AGBL1: variants seen among roughly 807,000 people sequenced by gnomAD.
The protein encoded by AGBL1 is cytosolic carboxypeptidase 4.
A neutral mutation model predicts 118.9 loss-of-function variants in AGBL1; 130 were observed. The observed-to-expected ratio is 1.09, with a 90% CI of 0.95 to 1.26. The LOEUF (loss-of-function observed/expected upper bound fraction) is 1.26. AGBL1 is among the 50% of genes most tolerant of loss of function. The pLI, the probability that AGBL1 is intolerant of heterozygous loss-of-function variation, is 0.00. For synonymous variants in AGBL1, 555 were observed against 478.9 expected, an observed-to-expected ratio of 1.16 and a Z score of -2.08; for missense variants, 1,584 against 1,298.1, an observed-to-expected ratio of 1.22 and a Z score of -3.38.
chr15:86,217,494 A>G (rs548621912), intron 5 of AGBL1, among the ~76,000 whole-genome samples: 32 of 152,346 alleles, frequency 2.1e-4, no homozygotes, highest in African/African-American at 7.7e-4. Context: ...CACACAACTG[A>G]GTGAATAACT....
At chr15:86,225,476 A>G (rs2078347125) in intron 6 of AGBL1, among the ~76,000 whole-genome samples, 1 of 152,170 alleles carries the variant, frequency 6.6e-6, no homozygotes, top group African/African-American at 2.4e-5. Context: ...GATGCTGATA[A>G]CAAATTTATA....
chr15:86,561,461 T>G (rs933221510), intron 21 of AGBL1, among the ~76,000 whole-genome samples: 135 of 152,320 alleles, frequency 8.9e-4, no homozygotes, highest in African/African-American at 3.2e-3. Flanking sequence ...ATCAGATGGT[T>G]GTAGATGAGT....
At chr15:86,994,907 T>C (rs2081366592) in intron 24 of AGBL1, among the ~76,000 whole-genome samples, 1 of 152,206 alleles carries the variant, frequency 6.6e-6, no homozygotes, top group African/African-American at 2.4e-5. Context: ...CTTTGACCCA[T>C]ACAGTAAAAT....
intron 1 of AGBL1, among the ~76,000 whole-genome samples, chr15:86,117,345 A>G (rs972873968): frequency 6.6e-6 from 1 of 151,992 alleles, no homozygotes; most frequent in African/African-American, 2.4e-5. Flanking sequence ...TCAGTATTTG[A>G]GAATTTGTTT....
chr15:86,233,373 G>A (rs1366720461), intron 6 of AGBL1, among the ~76,000 whole-genome samples: 1 of 146,334 alleles, frequency 6.8e-6, no homozygotes, highest in East Asian at 2.0e-4. Context: ...TTCTTTAGTA[G>A]CAAAACCTTT....
chr15:86,165,100 T>C (rs2077319170), intron 5 of AGBL1, among the ~76,000 whole-genome samples: 1 of 152,190 alleles, frequency 6.6e-6, no homozygotes. Context: ...CTTAAACACC[T>C]TGGCAACGGG....
Position 86,947,986 on chromosome 15 carries a change from C to T in AGBL1, c.3222-40001C>T, listed in dbSNP as rs181409496. ...TCTCTACATCATCAAATAATTTTCC[C>T]CCATTAACATGATGTTAAGGTTGTC... is the stretch of plus-strand genomic sequence containing the variant. On this transcript the variant is annotated intron_variant, in intron 23 of 24. Coordinates refer to the AGBL1 transcript ENST00000441037. Among the ~76,000 whole-genome samples, 485 of 152,196 alleles carry T rather than the reference C, an allele frequency of 3.2e-3. 1 individual carries two copies. The highest frequency in any genetic ancestry group is 0.011 in the African/African-American group (453 of 41,514).
chr15:86,581,030 A>T (rs2084165415), intron 21 of AGBL1, among the ~76,000 whole-genome samples: 1 of 152,138 alleles, frequency 6.6e-6, no homozygotes, highest in Admixed American at 6.5e-5. Flanking sequence ...ACTTTCCTTC[A>T]CTCACTCCAA....
intron 5 of AGBL1, among the ~76,000 whole-genome samples, chr15:86,181,460 A>T (rs2077551865): frequency 6.6e-6 from 1 of 152,110 alleles, no homozygotes; most frequent in Non-Finnish European, 1.5e-5. Context: ...AGAAAATGTA[A>T]AATAAACTAT....
chr15:86,757,484 G>C (rs949458360), intron 22 of AGBL1, among the ~76,000 whole-genome samples: 1 of 151,982 alleles, frequency 6.6e-6, no homozygotes, highest in African/African-American at 2.4e-5. Context: ...CATTTCTTTT[G>C]ATCTTCTCAA....
At chr15:86,131,165 G>A (rs1370055763) in intron 1 of AGBL1, among the ~76,000 whole-genome samples, 2 of 152,166 alleles carry the variant, frequency 1.3e-5, no homozygotes, top group Non-Finnish European at 2.9e-5. Context: ...GTGACCTGAT[G>A]CCTATTTCTT....
chr15:86,348,033 G>T (rs568459376), intron 17 of AGBL1, among the ~76,000 whole-genome samples: 3 of 152,238 alleles, frequency 2.0e-5, no homozygotes, highest in South Asian at 4.1e-4. Context: ...GGGAAGGAGT[G>T]AATCTGTTGT....
At chr15:86,236,695 C>A (rs921413343) in intron 6 of AGBL1, among the ~76,000 whole-genome samples, 2 of 151,760 alleles carry the variant, frequency 1.3e-5, no homozygotes, top group Non-Finnish European at 2.9e-5. Flanking sequence ...AGGAAGAAGC[C>A]TCCCCATACA....
intron 7 of AGBL1, among the ~76,000 whole-genome samples, chr15:86,254,981 C>T (rs1233355730): frequency 2.0e-5 from 3 of 152,158 alleles, no homozygotes; most frequent in East Asian, 3.8e-4. Flanking sequence ...AAATTCAGTT[C>T]GTGGTATGGC....
intron 5 of AGBL1, among the ~76,000 whole-genome samples, chr15:86,159,349 C>T (rs868426855): frequency 2.6e-5 from 4 of 152,090 alleles, no homozygotes; most frequent in African/African-American, 7.2e-5. Flanking sequence ...CTTTCAGACT[C>T]GAAACCTCAT....
chr15:86,846,325 G>C (rs574478152), intron 22 of AGBL1, among the ~76,000 whole-genome samples: 1 of 152,292 alleles, frequency 6.6e-6, no homozygotes, highest in East Asian at 1.9e-4. Context: ...CTCCGAGCAT[G>C]TCATTTCACT....
At chr15:86,647,257 A>T (rs2085296683) in intron 21 of AGBL1, among the ~76,000 whole-genome samples, 1 of 152,206 alleles carries the variant, frequency 6.6e-6, no homozygotes. Flanking sequence ...TGGACAATAA[A>T]ACATGGACAA....
intron 21 of AGBL1, among the ~76,000 whole-genome samples, chr15:86,570,656 C>T (rs1167715246): frequency 3.9e-5 from 6 of 152,180 alleles, no homozygotes; most frequent in East Asian, 1.9e-4. Context: ...TGGATCTAGT[C>T]GGTCTTAGCG....
intron 22 of AGBL1, among the ~76,000 whole-genome samples, chr15:86,726,776 A>G (rs891682127): frequency 3.9e-5 from 6 of 152,046 alleles, no homozygotes; most frequent in Non-Finnish European, 8.8e-5. Context: ...GCTGGTCTCA[A>G]ACTCATGGGC....
Sources: gnomAD v4.1 joint callset for allele counts (sites outside exome capture counted in the v4.1 genomes callset) on GRCh38, gnomAD v4.1.1 for gene constraint, MANE v1.5 for transcripts, NCBI Gene and HGNC (gene_info 2026-07-23, HGNC 2026-07-21) for gene names.